The following TRIM10 variants were observed in gnomAD, a reference collection of about 807,000 sequenced individuals.
The protein encoded by TRIM10 is tripartite motif containing 10.
Under a neutral mutation model 40.0 loss-of-function variants are expected in TRIM10, and 42 were observed. The ratio of observed to expected loss-of-function variants is 1.05; its 90% CI spans 0.82 to 1.36. The LOEUF (loss-of-function observed/expected upper bound fraction) is 1.36, where lower values mean the gene tolerates loss of function less well. Among genes scored for constraint, TRIM10 ranks in the 40% most tolerant of loss-of-function variants. TRIM10 has a pLI of 0.00. For synonymous variants in TRIM10, 260 were observed against 239.5 expected, an observed-to-expected ratio of 1.09 and a Z score of -0.79; for missense variants, 601 against 608.3, an observed-to-expected ratio of 0.99 and a Z score of 0.13.
intron 6 of TRIM10, chr6:30,154,798 C>T (rs2517646): frequency 0.65 from 419,074 of 643,068 alleles, 138,599 homozygotes; most frequent in East Asian, 0.79. Flanking sequence ...CGCAAGTTGG[C>T]TGGTTTCCAA....
upstream of TRIM10, chr6:30,163,561 T>C: frequency 2.3e-6 from 3 of 1,294,856 alleles, no homozygotes; most frequent in Non-Finnish European, 3.1e-6. Context: ...TCTTTCTCTC[T>C]CTCTGTCTCT....
intron 1 of TRIM10, among the ~76,000 whole-genome samples, chr6:30,159,965 C>A (rs762538404): frequency 2.6e-5 from 4 of 152,176 alleles, no homozygotes; most frequent in Non-Finnish European, 5.9e-5. Context: ...ATTTACCCAG[C>A]CTGAATATAT....
intron 5 of TRIM10, 194 bp downstream of exon 5, chr6:30,156,745 C>T (rs192196836): frequency 1.4e-6 from 1 of 692,540 alleles, no homozygotes; most frequent in African/African-American, 1.8e-5. Flanking sequence ...GAAATATTCA[C>T]CTTTATTCTC....
In TRIM10 at chr6:30,152,548, A is replaced by G. The variant is rs1482638443; in HGVS notation, c.*1421T>C. The G allele has an allele frequency of 6.6e-6, 1 of 152,184 alleles. No individual in the cohort carries two copies. The highest frequency in any genetic ancestry group is 1.5e-5 in the Non-Finnish European group (1 of 68,034). The allele number at this position is 152,184 out of a possible 1,614,324, so 9.4% of individuals were successfully genotyped here. A position where few individuals can be genotyped will look rare whatever the true frequency, so the allele number is the denominator to read the frequency against. On this transcript the variant is annotated 3_prime_UTR_variant, in exon 7 of 7. Coordinates refer to ENST00000449742, the MANE Select transcript of TRIM10 (RefSeq NM_006778.4). The stretch of plus-strand genomic sequence containing the variant: ...CTACCTGCTGAGGTAAGGATGAACA[A>G]CAGAACTTCTCAATTGAATTCTAAG...
upstream of TRIM10, chr6:30,163,346 T>G (rs17188113): frequency 0.14 from 51,091 of 355,762 alleles, 4,671 homozygotes; most frequent in East Asian, 0.32. Flanking sequence ...TGTGACCTCA[T>G]GGTGTGCTCT....
upstream of TRIM10, among the ~76,000 whole-genome samples, chr6:30,163,049 G>A (rs1193582485): frequency 6.6e-6 from 1 of 152,098 alleles, no homozygotes; most frequent in Admixed American, 6.5e-5. Flanking sequence ...GACCGTAGGA[G>A]GGGCCACCAT....
rs200790630 is a variant in TRIM10, at chr6:30,160,494, C to T, written c.365G>A (p.Arg122Gln). ...DDEMQLCVVC[R>Q]EAGEHATHTM... ...GTGGGTAGCGTGCTCCCCAGCCTCC[C>T]GGCACACCACGCACAACTGCATCTC... is the stretch of plus-strand genomic sequence containing the variant. The change falls in exon 1 of 7, where the codon CGG (arginine) becomes CAG (glutamine). Residue 122 changes from arginine (R) to glutamine (Q), a missense_variant. Coordinates refer to ENST00000449742, the MANE Select transcript of TRIM10 (RefSeq NM_006778.4). The T allele has an allele frequency of 1.1e-5, 17 of 1,614,146 alleles. No individual in the cohort carries two copies. The highest frequency in any genetic ancestry group is 4.5e-5 in the East Asian group (2 of 44,870).
At chr6:30,155,017 A>G (rs572368458) in intron 6 of TRIM10, among the ~76,000 whole-genome samples, 3 of 152,282 alleles carry the variant, frequency 2.0e-5, no homozygotes, top group East Asian at 3.9e-4. Flanking sequence ...ACTCTGCCTC[A>G]GTAATTCTGA....
Position 30,153,976 on chromosome 6 carries a change from C to G in TRIM10, c.1439G>C (p.Ser480Thr). 1.3e-6 allele frequency: 2 copies of G among 1,598,724 alleles called. No individual in the cohort carries two copies. The highest frequency in any genetic ancestry group is 8.6e-7 in the Non-Finnish European group (1 of 1,169,392). ...LWGRGSSFSL[S>T]S is the part of the protein sequence containing the mutation. The stretch of plus-strand genomic sequence containing the variant: ...GTAGGTAACTGCTCCTTCTCAGGAG[C>G]TCAGGGAGAAACTGGACCCTCGGCC... The change falls in exon 7 of 7, where the codon AGC (serine) becomes ACC (threonine). Residue 480 changes from serine (S) to threonine (T), a missense_variant. Coordinates refer to ENST00000449742, the MANE Select transcript of TRIM10 (RefSeq NM_006778.4).
chr6:30,155,613 T>A, intron 6 of TRIM10, 114 bp downstream of exon 6: 1 of 830,094 alleles, frequency 1.2e-6, no homozygotes, highest in South Asian at 1.6e-5. Context: ...TATCCATGGG[T>A]GTTTGTTATG....
upstream of TRIM10, chr6:30,163,859 C>T (rs779751885): frequency 3.1e-6 from 5 of 1,613,074 alleles, no homozygotes; most frequent in East Asian, 2.2e-5. Flanking sequence ...GCTCTGCCCG[C>T]TCTGCCAAGA....
In TRIM10 at chr6:30,161,010, G is replaced by C; in HGVS notation, c.-152C>G. 1.4e-6 allele frequency: 1 copy of C among 734,440 alleles called. No individual in the cohort carries two copies. 45.5% of individuals were successfully genotyped at this position (734,440 alleles called of 1,614,324 possible). On this transcript the variant is annotated 5_prime_UTR_variant, in exon 1 of 7. Transcript: ENST00000449742. ...CCAGCACCCATATCGTCACACACTT[G>C]CATCTCTGGCAGCCAGGGTTCTATT...
Position 30,153,894 on chromosome 6 carries a change from C to A in TRIM10, c.*75G>T. 2 of 1,586,016 alleles carry A rather than the reference C, an allele frequency of 1.3e-6. No individual in the cohort carries two copies. Among genetic ancestry groups the A allele is most frequent in the Non-Finnish European group, 8.6e-7 (1 of 1,164,156 alleles). On this transcript the variant is annotated 3_prime_UTR_variant, in exon 7 of 7. Transcript: ENST00000449742. Reference sequence around the variant, plus strand: ...ATTCCAAGTCATCCAGGTGATTCAGCCAGGGATCAAGTCCACATGGTACTT... The same window carrying A: ...ATTCCAAGTCATCCAGGTGATTCAGACAGGGATCAAGTCCACATGGTACTT...
Position 30,157,063 on chromosome 6 carries a change from A to G in TRIM10, c.780-9T>C. 6.2e-7 allele frequency: 1 copy of G among 1,612,006 alleles called. No individual in the cohort carries two copies. Among genetic ancestry groups the G allele is most frequent in the Non-Finnish European group, 8.5e-7 (1 of 1,179,226 alleles). On this transcript the variant is annotated splice_polypyrimidine_tract_variant and intron_variant, in intron 4 of 6. Transcript: ENST00000449742. Reference sequence around the variant, plus strand: ...ACTTTCTGGTTTCACATCTAGGGGCACAGAAATGGCTGGGTCTGGGAATTA... The same window carrying G: ...ACTTTCTGGTTTCACATCTAGGGGCGCAGAAATGGCTGGGTCTGGGAATTA...
In TRIM10 at chr6:30,154,242, C is replaced by G. The variant is rs772942873; in HGVS notation, c.1173G>C (p.Lys391Asn). 6 of 1,613,062 alleles carry G rather than the reference C, an allele frequency of 3.7e-6. No individual in the cohort carries two copies. The highest frequency in any genetic ancestry group is 5.1e-6 in the Non-Finnish European group (6 of 1,180,020). The change falls in exon 7 of 7, where the codon AAG becomes AAC. Residue 391 changes from lysine (K) to asparagine (N), a missense_variant. Physicochemically the swap from Lys to Asn is moderately conservative, Grantham distance 94 (BLOSUM62 0). Coordinates refer to ENST00000449742, the MANE Select transcript of TRIM10 (RefSeq NM_006778.4). ...VGVVSEDVQR[K>N]GELRLRPEEG... ...CCTCTGGCCGCAGCCGAAGCTCCCC[C>G]TTCCGCTGCACATCCTCGCTCACCA... is the stretch of plus-strand genomic sequence containing the variant.
chr6:30,156,016 C>T (rs1228633736), intron 5 of TRIM10, among the ~76,000 whole-genome samples: 1 of 152,216 alleles, frequency 6.6e-6, no homozygotes, highest in Non-Finnish European at 1.5e-5. Context: ...AATGCAGCTG[C>T]TGCTGCTGGT....
At chr6:30,163,302 C>G (rs912025815), upstream of TRIM10, 2 of 238,412 alleles carry the variant, frequency 8.4e-6, no homozygotes, top group Non-Finnish European at 1.6e-5. Context: ...TCCCCAGCCA[C>G]TGTGGTCTAC....
upstream of TRIM10, chr6:30,163,554 T>TCTTTCTCTCTGTCTGTCTCTC: frequency 8.8e-7 from 1 of 1,136,868 alleles, no homozygotes; most frequent in Non-Finnish European, 1.2e-6. Context: ...CTCTCTCTCT[T>TCTTTCTCTCTGTCTGTCTCTC]TCTCTCTCTC....
upstream of TRIM10, chr6:30,163,913 C>T (rs767139207): frequency 4.3e-5 from 69 of 1,612,988 alleles, no homozygotes; most frequent in Middle Eastern, 1.6e-4. Flanking sequence ...GCCCCTGGGC[C>T]CGCTGGGAGA....
Sources: gnomAD v4.1 joint callset for allele counts (sites outside exome capture counted in the v4.1 genomes callset) on GRCh38, gnomAD v4.1.1 for gene constraint, MANE v1.5 for transcripts, NCBI Gene and HGNC (gene_info 2026-07-23, HGNC 2026-07-21) for gene names.